Variants in TBK1 observed in about 807,000 individuals in gnomAD.
TBK1 encodes serine/threonine-protein kinase TBK1.
In TBK1, 37 loss-of-function variants were observed where a neutral mutation model predicts 99.9. That is an observed-to-expected ratio of 0.37 (90% confidence interval 0.28 to 0.49). The LOEUF is 0.49. Ranked by LOEUF, TBK1 falls within the 20% of genes least tolerant of loss-of-function variation. The pLI, the probability that TBK1 is intolerant of heterozygous loss-of-function variation, is 0.98. For missense variants in TBK1, 644 were observed against 872.5 expected, an observed-to-expected ratio of 0.74 and a Z score of 3.30; for synonymous variants, 258 against 279.8, an observed-to-expected ratio of 0.92 and a Z score of 0.78.
rs201092592 is a variant in TBK1 at position 64,497,477 on chromosome 12, AAG to A, written c.1960-170_1960-169del. Among the ~76,000 whole-genome samples the A allele has an allele frequency of 4.9e-3, 743 of 152,256 alleles. 8 individuals carry two copies. Among genetic ancestry groups the A allele is most frequent in the African/African-American group, 0.017 (703 of 41,568 alleles). On this transcript the variant is annotated intron_variant, in intron 18 of 20. Coordinates refer to ENST00000331710, the MANE Select transcript of TBK1 (RefSeq NM_013254.4). ...ACTGTATGAAAAGTTTCTTTCTTAA[AAG>A]GGTGTTGATTTAAGTATTGTATCAT...
At chr12:64,497,605 A>T in intron 18 of TBK1, 43 bp from the exon 19 acceptor site, 1 of 1,280,676 alleles carries the variant, frequency 7.8e-7, no homozygotes, top group Non-Finnish European at 1.1e-6. Context: ...TTCTGTGATT[A>T]ATGTGGGGTT....
intron 4 of TBK1, among the ~76,000 whole-genome samples, chr12:64,465,628 A>G (rs1338083186): frequency 6.6e-6 from 1 of 152,360 alleles, no homozygotes; most frequent in East Asian, 1.9e-4. Context: ...TATATATGCT[A>G]CAACATGGAT....
chr12:64,474,505 ATATTT>A (rs1188639957), intron 6 of TBK1, 115 bp downstream of exon 6: 1 of 1,049,166 alleles, frequency 9.5e-7, no homozygotes, highest in Non-Finnish European at 1.4e-6. Flanking sequence ...ATCATTTCTG[ATATTT>A]TAAGCTACCT....
In TBK1 at chr12:64,484,347, T is replaced by C. The variant is rs763874949; in HGVS notation, c.1037T>C (p.Ile346Thr). 2 of 1,613,724 alleles carry C rather than the reference T, an allele frequency of 1.2e-6. No homozygotes were observed. Among genetic ancestry groups the C allele is most frequent in the Admixed American group, 3.3e-5 (2 of 59,934 alleles). Residue 346 changes from isoleucine to threonine, a missense_variant, in exon 9 of 21, where the codon ATT (isoleucine) becomes ACT (threonine). Ile to Thr is a moderately conservative substitution (Grantham distance 89). Coordinates refer to ENST00000331710, the MANE Select transcript of TBK1 (RefSeq NM_013254.4). ...CTGGTATATAAACAAACCAAAATTA[T>C]TTCTTCAAATCAAGAACTTATCTAC... Reference protein sequence around the residue: ...HELVYKQTKIISSNQELIYEG... With the variant: ...HELVYKQTKITSSNQELIYEG...
Position 64,452,569 on chromosome 12 carries a change from A to T in TBK1, c.-32+382A>T, listed in dbSNP as rs2040439322. On this transcript the variant is annotated intron_variant, in intron 1 of 20. Coordinates refer to ENST00000331710, the MANE Select transcript of TBK1 (RefSeq NM_013254.4). ...CCTGGCTGCCTGGGGAGGCAGGGGC[A>T]CCTCTTTCCCTTAGACTCGCTGTTT... The T allele has an allele frequency of 2.0e-5, 3 of 152,142 alleles. No individual in the cohort carries two copies. In the South Asian group the frequency reaches 6.2e-4, roughly 32 times the overall value. The allele number at this position is 152,142 out of a possible 1,614,324, so 9.4% of individuals were successfully genotyped here. A position where few individuals can be genotyped will look rare whatever the true frequency, so the allele number is the denominator to read the frequency against.
intron 4 of TBK1, among the ~76,000 whole-genome samples, chr12:64,465,242 C>CAAA (rs57575805): frequency 0.16 from 9,058 of 57,398 alleles, 1,565 homozygotes; most frequent in East Asian, 0.37. Context: ...AAGACTATCT[C>CAAA]AAAAAAAAAA....
chr12:64,461,853 A>G (rs2040552038), intron 3 of TBK1, among the ~76,000 whole-genome samples: 1 of 152,244 alleles, frequency 6.6e-6, no homozygotes, highest in South Asian at 2.1e-4. Context: ...TGTAGCAAAA[A>G]GATAGAAATT....
chr12:64,497,278 GA>G lies in TBK1; in HGVS notation c.1959+24del. On this transcript the variant is annotated intron_variant, in intron 18 of 20. Coordinates refer to ENST00000331710, the MANE Select transcript of TBK1 (RefSeq NM_013254.4). ...TAATGAGGTAGGTACAGCTGTCAAG[GA>G]AAAATTAAAATTCTTCTCAGTTTAT... 1.3e-6 allele frequency: 2 copies of G among 1,482,904 alleles called. No individual in the cohort carries two copies. The highest frequency in any genetic ancestry group is 1.8e-6 in the Non-Finnish European group (2 of 1,105,652). The allele number at this position is 1,482,904 out of a possible 1,614,324, so 91.9% of individuals were successfully genotyped here.
intron 4 of TBK1, 123 bp from the exon 5 acceptor site, chr12:64,466,778 A>T (rs1004778962): frequency 1.9e-6 from 1 of 518,146 alleles, no homozygotes; most frequent in African/African-American, 2.0e-5. Context: ...GAGTAAAATT[A>T]CTTTGAACCA....
At chr12:64,483,610 G>A (rs1217057455) in intron 8 of TBK1, among the ~76,000 whole-genome samples, 5 of 152,070 alleles carry the variant, frequency 3.3e-5, no homozygotes, top group South Asian at 2.1e-4. Context: ...AGTCACTTAC[G>A]GTTTTATAGG....
At chr12:64,469,979 C>T (rs2040645780) in intron 5 of TBK1, among the ~76,000 whole-genome samples, 2 of 152,148 alleles carry the variant, frequency 1.3e-5, no homozygotes, top group African/African-American at 2.4e-5. Flanking sequence ...TAAGAATGTT[C>T]TTGGGCTTCA....
At chr12:64,480,578 T>C (rs2040759544) in intron 7 of TBK1, among the ~76,000 whole-genome samples, 1 of 152,214 alleles carries the variant, frequency 6.6e-6, no homozygotes, top group Non-Finnish European at 1.5e-5. Flanking sequence ...TAATAGTTTT[T>C]TGTACTTTTT....
At chr12:64,495,803 T>G in intron 15 of TBK1, 28 bp downstream of exon 15, 1 of 1,486,262 alleles carries the variant, frequency 6.7e-7, no homozygotes, top group Non-Finnish European at 9.1e-7. Flanking sequence ...TTTGTTAATT[T>G]AATAAATCCC....
chr12:64,475,734 G>A lies in TBK1; in HGVS notation c.701+1344G>A, dbSNP rs535767892. ...GGCTGCATAGTATTCTACAGTGTAT[G>A]TGTACCACATTTTTGTTATCCAGTC... On this transcript the variant is annotated intron_variant, in intron 6 of 20. Coordinates refer to ENST00000331710, the MANE Select transcript of TBK1 (RefSeq NM_013254.4). 4.6e-5 allele frequency among the ~76,000 whole-genome samples: 7 copies of A among 152,284 alleles called. No individual in the cohort carries two copies. In the East Asian group the frequency reaches 5.8e-4, roughly 13 times the overall value.
At chr12:64,474,717 C>A (rs986000431) in intron 6 of TBK1, among the ~76,000 whole-genome samples, 7 of 151,966 alleles carry the variant, frequency 4.6e-5, no homozygotes, top group Admixed American at 6.6e-5. Flanking sequence ...TCCTCCCATA[C>A]AACTGAAAAA....
intron 2 of TBK1, among the ~76,000 whole-genome samples, chr12:64,459,057 G>A (rs914215255): frequency 5.9e-5 from 9 of 152,170 alleles, no homozygotes; most frequent in African/African-American, 1.9e-4. Flanking sequence ...AGAGAGGAGG[G>A]TGATGGCTCT....
At chr12:64,482,180 AT>A (rs942844819) in intron 8 of TBK1, among the ~76,000 whole-genome samples, 159 bp downstream of exon 8, 2 of 152,194 alleles carry the variant, frequency 1.3e-5, no homozygotes, top group African/African-American at 4.8e-5. Context: ...CTTTTCACTT[AT>A]TTTTGGAGTA....
chr12:64,474,012 A>G (rs1302820619), intron 5 of TBK1, among the ~76,000 whole-genome samples: 2 of 152,160 alleles, frequency 1.3e-5, no homozygotes, highest in African/African-American at 4.8e-5. Flanking sequence ...TTCCATTTCC[A>G]CATTAAATTA....
intron 6 of TBK1, among the ~76,000 whole-genome samples, chr12:64,476,048 G>A (rs926108380): frequency 6.6e-6 from 1 of 150,834 alleles, no homozygotes; most frequent in Non-Finnish European, 1.5e-5. Context: ...TTTTTTTATA[G>A]CCATTCTGAC....
Sources: allele counts gnomAD v4.1 joint callset (sites outside exome capture counted in the v4.1 genomes callset), GRCh38; gene constraint gnomAD v4.1.1; transcripts MANE v1.5; gene names NCBI Gene and HGNC (gene_info 2026-07-23, HGNC 2026-07-21).